GDAP1: variants seen among roughly 807,000 people sequenced by gnomAD.
GDAP1 encodes the protein ganglioside induced differentiation associated protein 1.
A neutral mutation model predicts 40.1 loss-of-function variants in GDAP1; 34 were observed. That is an observed-to-expected ratio of 0.85 (90% CI 0.64 to 1.13). The LOEUF (loss-of-function observed/expected upper bound fraction) is 1.13. GDAP1 is among the 50% of genes most tolerant of loss of function. The probability of loss-of-function intolerance (pLI) is 0.00; values close to 1 mark genes in which losing one functional copy is unlikely to be tolerated. For missense variants in GDAP1, 374 were observed against 433.7 expected (o/e 0.86, Z 1.22); for synonymous variants, 170 against 157.4 (o/e 1.08, Z -0.60).
intron 3 of GDAP1, among the ~76,000 whole-genome samples, chr8:74,360,568 A>G (rs1809314880): frequency 2.0e-5 from 3 of 152,252 alleles, no homozygotes; most frequent in African/African-American, 7.2e-5. Flanking sequence ...GGTAAAACTC[A>G]GAAGAGTGGA....
Position 74,361,928 on chromosome 8 carries a change from G to T in GDAP1, c.529G>T (p.Glu177Ter), listed in dbSNP as rs771176873. The T allele has an allele frequency of 1.2e-6, 2 of 1,610,280 alleles. No homozygotes were observed. Among genetic ancestry groups the T allele is most frequent in the South Asian group, 2.2e-5 (2 of 91,042 alleles). Residue 177 changes from glutamate to a stop codon, truncating the protein, a stop_gained, in exon 4 of 6, where the codon GAA (glutamate) becomes TAA (stop). Transcript: ENST00000220822. LOFTEE classifies it high-confidence loss of function. ...TESELKKLAE[E>*]NPDLQEAYIA... Reference sequence around the variant, plus strand: ...GTCTGAGCTGAAGAAACTTGCTGAAGAAAACCCAGATTTACAAGAAGCATA... The same window carrying T: ...GTCTGAGCTGAAGAAACTTGCTGAATAAAACCCAGATTTACAAGAAGCATA...
chr8:74,413,358 G>A (rs1476571857), intron 2 of GDAP1, among the ~76,000 whole-genome samples: 1 of 149,920 alleles, frequency 6.7e-6, no homozygotes, highest in East Asian at 1.9e-4. Flanking sequence ...TCCCCCTTCC[G>A]GGTCCAGTAT....
intron 2 of GDAP1, among the ~76,000 whole-genome samples, chr8:74,406,717 A>G (rs1370790129): frequency 6.7e-6 from 1 of 150,264 alleles, no homozygotes; most frequent in East Asian, 1.9e-4. Context: ...AAGTTTGCAT[A>G]GTATTAATAA....
chr8:74,355,807 G>C (rs1450799133), intron 2 of GDAP1, among the ~76,000 whole-genome samples: 1 of 151,682 alleles, frequency 6.6e-6, no homozygotes, highest in East Asian at 1.9e-4. Context: ...TGAACATCAC[G>C]TTCATGTCTT....
At chr8:74,483,088 A>T (rs1806732511) in intron 2 of GDAP1, among the ~76,000 whole-genome samples, 1 of 152,190 alleles carries the variant, frequency 6.6e-6, no homozygotes, top group Non-Finnish European at 1.5e-5. Flanking sequence ...GTTGTTTCTG[A>T]TCACAATAAA....
At chr8:74,387,178 C>A (rs1810038090) in intron 2 of GDAP1, among the ~76,000 whole-genome samples, 1 of 152,220 alleles carries the variant, frequency 6.6e-6, no homozygotes, top group African/African-American at 2.4e-5. Context: ...TTATTTCTTT[C>A]TCTTGCCTAA....
intron 2 of GDAP1, among the ~76,000 whole-genome samples, chr8:74,470,484 A>T (rs1037035189): frequency 6.6e-6 from 1 of 151,800 alleles, no homozygotes; most frequent in Non-Finnish European, 1.5e-5. Context: ...ATTCCCACCT[A>T]TCAGTGAGAA....
chr8:74,396,939 C>T (rs918818539), intron 2 of GDAP1, among the ~76,000 whole-genome samples: 74 of 152,232 alleles, frequency 4.9e-4, no homozygotes, highest in Non-Finnish European at 1.6e-4. Flanking sequence ...ACACTGACTT[C>T]CACAATGGTT....
At chr8:74,387,522 G>C (rs1325567605) in intron 2 of GDAP1, among the ~76,000 whole-genome samples, 1 of 152,190 alleles carries the variant, frequency 6.6e-6, no homozygotes, top group African/African-American at 2.4e-5. Context: ...TGCATCCCAG[G>C]GATGAAACCG....
intron 2 of GDAP1, among the ~76,000 whole-genome samples, chr8:74,429,713 T>G (rs1034575696): frequency 6.6e-6 from 1 of 152,180 alleles, no homozygotes. Flanking sequence ...CGGCCCTATT[T>G]ACAAATACAG....
At chr8:74,420,823 T>C (rs1053531509) in intron 2 of GDAP1, among the ~76,000 whole-genome samples, 3 of 152,040 alleles carry the variant, frequency 2.0e-5, no homozygotes, top group Admixed American at 1.3e-4. Flanking sequence ...TTTTTTTTAA[T>C]GTTTCAGCAA....
At position 74,366,588 on chromosome 8, in the gene GDAP1, A is replaced by G. The variant is rs1809647312; in HGVS notation, c.*2221A>G. 1 of 453,406 alleles carries G rather than the reference A, an allele frequency of 2.2e-6. No individual in the cohort carries two copies. The highest frequency in any genetic ancestry group is 4.4e-6 in the Non-Finnish European group (1 of 226,548). The allele number at this position is 453,406 out of a possible 1,614,324, so 28.1% of individuals were successfully genotyped here. The stretch of plus-strand genomic sequence containing the variant: ...CTGGTCAGTGTACTCATCAATTTCC[A>G]AAATTTGTATAAATATCACAATTAG... On this transcript the variant is annotated 3_prime_UTR_variant, in exon 6 of 6. Coordinates refer to ENST00000220822, the MANE Select transcript of GDAP1 (RefSeq NM_018972.4).
intron 2 of GDAP1, among the ~76,000 whole-genome samples, chr8:74,381,755 CAAATTAAA>C (rs1237638302): frequency 4.2e-5 from 2 of 47,618 alleles, no homozygotes; most frequent in Non-Finnish European, 9.3e-5. Flanking sequence ...AACTCCATCT[CAAATTAAA>C]AAAAAAAAAA....
At chr8:74,410,414 A>G (rs940441920) in intron 2 of GDAP1, among the ~76,000 whole-genome samples, 2 of 150,274 alleles carry the variant, frequency 1.3e-5, no homozygotes, top group African/African-American at 5.1e-5. Flanking sequence ...ATAAGAGTCT[A>G]TCAACATGAA....
rs1809626419 is a variant in GDAP1, at chr8:74,366,195, A to G, written c.*1828A>G. On this transcript the variant is annotated 3_prime_UTR_variant, in exon 6 of 6. Coordinates refer to ENST00000220822, the MANE Select transcript of GDAP1 (RefSeq NM_018972.4). ...ATTTCCTTGTACAGTTTCTTTGGAA[A>G]TACGTTAAAGATAGTGGCAATTTCA... 2.2e-6 allele frequency: 1 copy of G among 454,012 alleles called. No individual in the cohort carries two copies. The allele number at this position is 454,012 out of a possible 1,614,324, so 28.1% of individuals were successfully genotyped here. A position where few individuals can be genotyped will look rare whatever the true frequency, so the allele number is the denominator to read the frequency against.
chr8:74,432,776 T>G (rs888643300), intron 2 of GDAP1, among the ~76,000 whole-genome samples: 2 of 152,250 alleles, frequency 1.3e-5, no homozygotes, highest in Non-Finnish European at 2.9e-5. Context: ...ACTATCCTAC[T>G]TTCTCTAGCC....
At position 74,359,127 on chromosome 8, in the gene GDAP1, G is replaced by T. The variant is rs532503356; in HGVS notation, c.311-1010G>T. Among the ~76,000 whole-genome samples the T allele has an allele frequency of 5.9e-5, 9 of 152,210 alleles. No homozygotes were observed. In the East Asian group the frequency reaches 1.7e-3, roughly 29 times the overall value. On this transcript the variant is annotated intron_variant, in intron 2 of 5. Transcript: ENST00000220822. The stretch of plus-strand genomic sequence containing the variant: ...AAAATCCTTTGAAAATGTTATGATG[G>T]TATAATCAAAGAGAACATTACATTA...
rs745663149 is a variant in GDAP1 at position 74,360,199 on chromosome 8, C to T, written c.373C>T (p.Arg125Ter). The T allele has an allele frequency of 5.0e-6, 8 of 1,613,204 alleles. No homozygotes were observed. The highest frequency in any genetic ancestry group is 2.2e-5 in the East Asian group (1 of 44,882). The change falls in exon 3 of 6, where the codon CGA becomes TGA. Residue 125 changes from arginine (R) to a stop codon, truncating the protein, a stop_gained. Coordinates refer to ENST00000220822, the MANE Select transcript of GDAP1 (RefSeq NM_018972.4). LOFTEE classifies it high-confidence loss of function. Reference sequence around the variant, plus strand: ...GTATTACCCACGGGTACAACATTACCGAGAGCTGCTTGACTCCTTGCCAAT... The same window carrying T: ...GTATTACCCACGGGTACAACATTACTGAGAGCTGCTTGACTCCTTGCCAAT... Reference protein sequence around the residue: ...SMYYPRVQHYRELLDSLPMDA... With the variant: ...SMYYPRVQHY
chr8:74,413,349 C>T (rs1036323735), intron 2 of GDAP1, among the ~76,000 whole-genome samples: 97 of 149,840 alleles, frequency 6.5e-4, no homozygotes, highest in Admixed American at 1.3e-3. Flanking sequence ...ATTTACCATT[C>T]CCCCTTCCGG....
Sources: gnomAD v4.1 joint callset for allele counts (sites outside exome capture counted in the v4.1 genomes callset) on GRCh38, gnomAD v4.1.1 for gene constraint, MANE v1.5 for transcripts, NCBI Gene and HGNC (gene_info 2026-07-23, HGNC 2026-07-21) for gene names.